CFAP299: variants seen among roughly 807,000 people sequenced by gnomAD.
CFAP299 encodes the protein cilia and flagella associated protein 299, also known as cilia- and flagella-associated protein 299.
CFAP299 carries 21 observed loss-of-function variants against 27.0 expected under a neutral mutation model. That is an observed-to-expected ratio of 0.78 (90% CI 0.55 to 1.12). The LOEUF (loss-of-function observed/expected upper bound fraction) is 1.12. Ranked by LOEUF, CFAP299 falls within the 50% of genes most tolerant of loss-of-function variation. The pLI, the probability that CFAP299 is intolerant of heterozygous loss-of-function variation, is 0.00. For missense variants in CFAP299, 310 were observed against 276.6 expected (o/e 1.12, Z -0.86); for synonymous variants, 104 against 98.1 (o/e 1.06, Z -0.36).
chr4:80,425,009 G>A (rs1727466584), intron 2 of CFAP299, among the ~76,000 whole-genome samples: 1 of 152,002 alleles, frequency 6.6e-6, no homozygotes, highest in African/African-American at 2.4e-5. Context: ...ATCTACTTGT[G>A]GGAGGACATT....
At chr4:80,808,232 C>T (rs1395071180) in intron 3 of CFAP299, among the ~76,000 whole-genome samples, 1 of 151,984 alleles carries the variant, frequency 6.6e-6, no homozygotes, top group Non-Finnish European at 1.5e-5. Context: ...ATATGTTGAC[C>T]ATTTTGACAA....
At chr4:80,691,579 C>G (rs1249982114) in intron 3 of CFAP299, among the ~76,000 whole-genome samples, 3 of 151,786 alleles carry the variant, frequency 2.0e-5, no homozygotes, top group African/African-American at 7.3e-5. Context: ...AAACCCACAG[C>G]CAATATCATA....
intron 2 of CFAP299, among the ~76,000 whole-genome samples, chr4:80,520,902 TA>T (rs1359452801): frequency 6.6e-6 from 1 of 152,006 alleles, no homozygotes; most frequent in African/African-American, 2.4e-5. Context: ...ATACAAGGGA[TA>T]AAAAATAGAG....
intron 3 of CFAP299, among the ~76,000 whole-genome samples, chr4:80,692,309 A>G (rs1280004059): frequency 2.0e-5 from 3 of 150,536 alleles, no homozygotes; most frequent in Admixed American, 1.3e-4. Context: ...ACAAGGCTAC[A>G]GTAACCAAAA....
At chr4:80,656,281 T>A (rs1740550059) in intron 3 of CFAP299, among the ~76,000 whole-genome samples, 1 of 152,002 alleles carries the variant, frequency 6.6e-6, no homozygotes, top group African/African-American at 2.4e-5. Context: ...AACATGCAGG[T>A]TTTTTACATA....
intron 3 of CFAP299, among the ~76,000 whole-genome samples, chr4:80,829,875 A>T (rs1035599050): frequency 4.6e-5 from 7 of 152,106 alleles, no homozygotes; most frequent in Non-Finnish European, 1.0e-4. Context: ...TAGCTTAAGT[A>T]GTAAAACTCA....
chr4:80,421,617 A>G (rs1727288449), intron 2 of CFAP299, among the ~76,000 whole-genome samples: 1 of 152,208 alleles, frequency 6.6e-6, no homozygotes, highest in Non-Finnish European at 1.5e-5. Context: ...AACAAGATGA[A>G]ATAACTTAAC....
chr4:80,911,493 A>G (rs1282557585), intron 4 of CFAP299, among the ~76,000 whole-genome samples: 1 of 152,186 alleles, frequency 6.6e-6, no homozygotes, highest in Admixed American at 6.5e-5. Flanking sequence ...ACTTGGAACC[A>G]GGTATCCACT....
chr4:80,751,999 TGA>T lies in CFAP299; in HGVS notation c.334-117991_334-117990del, dbSNP rs572920793. ...GTGGGTGCCTGAGCTGCTGCTCTGC[TGA>T]GACTCCACACAGCTCTGTGTATCAG... On this transcript the variant is annotated intron_variant, in intron 3 of 5. Coordinates refer to ENST00000358105, the MANE Select transcript of CFAP299 (RefSeq NM_152770.3). Among the ~76,000 whole-genome samples the T allele has an allele frequency of 1.7e-3, 256 of 152,276 alleles. 2 individuals carry two copies. The highest frequency in any genetic ancestry group is 6.0e-3 in the African/African-American group (248 of 41,560).
chr4:80,652,733 G>GCCTCTAGTGCTC (rs1740367388), intron 3 of CFAP299, among the ~76,000 whole-genome samples: 1 of 151,894 alleles, frequency 6.6e-6, no homozygotes, highest in Non-Finnish European at 1.5e-5. Context: ...TCTCTGTGCT[G>GCCTCTAGTGCTC]CCTCTAGTGC....
Position 80,468,926 on chromosome 4 carries a change from GATA to G in CFAP299, c.242+106046_242+106048del, listed in dbSNP as rs971323467. Among the ~76,000 whole-genome samples, 10 of 151,640 alleles carry G rather than the reference GATA, an allele frequency of 6.6e-5. No individual in the cohort carries two copies. In the South Asian group the frequency reaches 2.1e-3, roughly 32 times the overall value. ...CATTGGCAAATGTGATTTTAGAAGA[GATA>G]ATATTTCTAGGGGTCTCCTGGCTCC... On this transcript the variant is annotated intron_variant, in intron 2 of 5. Coordinates refer to ENST00000358105, the MANE Select transcript of CFAP299 (RefSeq NM_152770.3).
intron 2 of CFAP299, among the ~76,000 whole-genome samples, chr4:80,367,685 TTTC>T (rs1723912885): frequency 6.6e-6 from 1 of 152,160 alleles, no homozygotes; most frequent in African/African-American, 2.4e-5. Context: ...ACATCTCTGA[TTTC>T]TTCTCCACTG....
intron 5 of CFAP299, among the ~76,000 whole-genome samples, chr4:80,951,813 G>T (rs1737792961): frequency 6.6e-6 from 1 of 152,078 alleles, no homozygotes; most frequent in Admixed American, 6.6e-5. Flanking sequence ...AAAATATGTT[G>T]TAATGCAACA....
At chr4:80,689,392 AT>A (rs1304513826) in intron 3 of CFAP299, among the ~76,000 whole-genome samples, 1 of 152,232 alleles carries the variant, frequency 6.6e-6, no homozygotes, top group East Asian at 1.9e-4. Flanking sequence ...AATATTCAAC[AT>A]TCTCAAAGAA....
intron 4 of CFAP299, among the ~76,000 whole-genome samples, chr4:80,926,029 C>T (rs866787423): frequency 1.3e-4 from 19 of 151,970 alleles, no homozygotes; most frequent in South Asian, 6.2e-4. Flanking sequence ...GTTGTAGTTT[C>T]CCATGGGAAG....
intron 3 of CFAP299, among the ~76,000 whole-genome samples, chr4:80,822,001 C>T (rs1229841229): frequency 1.3e-5 from 2 of 152,066 alleles, no homozygotes; most frequent in South Asian, 4.1e-4. Flanking sequence ...GAACCGCTGA[C>T]GATGGTAGCA....
intron 2 of CFAP299, among the ~76,000 whole-genome samples, chr4:80,515,758 T>G (rs1027359960): frequency 1.4e-4 from 21 of 152,312 alleles, no homozygotes; most frequent in Admixed American, 1.1e-3. Context: ...TGTAAACCAC[T>G]TATTTCACAT....
intron 3 of CFAP299, among the ~76,000 whole-genome samples, chr4:80,647,901 CT>C (rs1285934205): frequency 6.6e-6 from 1 of 152,004 alleles, no homozygotes; most frequent in Non-Finnish European, 1.5e-5. Context: ...CCCATCTCTA[CT>C]AAAAATTAGC....
At chr4:80,932,338 A>C (rs939157730) in intron 4 of CFAP299, among the ~76,000 whole-genome samples, 5 of 152,158 alleles carry the variant, frequency 3.3e-5, no homozygotes, top group Non-Finnish European at 7.4e-5. Flanking sequence ...GAAATTAGAG[A>C]TACAATATAT....
Sources: allele counts gnomAD v4.1 joint callset (sites outside exome capture counted in the v4.1 genomes callset), GRCh38; gene constraint gnomAD v4.1.1; transcripts MANE v1.5; gene names NCBI Gene and HGNC (gene_info 2026-07-23, HGNC 2026-07-21).